The following RALGAPB variants were observed in gnomAD, a reference collection of about 807,000 sequenced individuals.
RALGAPB encodes Ral GTPase activating protein non-catalytic subunit beta, also known as ral GTPase-activating protein subunit beta.
RALGAPB carries 25 observed loss-of-function variants against 161.1 expected under a neutral mutation model. The ratio of observed to expected loss-of-function variants is 0.16; its 90% CI spans 0.11 to 0.22. RALGAPB has a LOEUF of 0.22. RALGAPB is among the 10% of genes least tolerant of loss of function. The pLI is 1.00. For missense variants in RALGAPB, 1,391 were observed against 1,815.2 expected (o/e 0.77, Z 4.25); for synonymous variants, 629 against 626.1 (o/e 1.00, Z -0.07).
intron 27 of RALGAPB, 117 bp downstream of exon 27, chr20:38,570,113 C>G (rs2088177405): frequency 3.9e-6 from 3 of 760,774 alleles, no homozygotes; most frequent in Admixed American, 4.7e-5. Context: ...TCCTGGAGTT[C>G]AGCAAGCCTT....
At chr20:38,524,645 C>T in intron 10 of RALGAPB, 133 bp from the exon 11 acceptor site, 2 of 680,990 alleles carry the variant, frequency 2.9e-6, no homozygotes, top group Non-Finnish European at 4.9e-6. Flanking sequence ...CCAGTAATTC[C>T]AATAATGTCC....
intron 23 of RALGAPB, among the ~76,000 whole-genome samples, 156 bp downstream of exon 23, chr20:38,558,609 G>C (rs2087678370): frequency 2.6e-5 from 4 of 152,166 alleles, no homozygotes; most frequent in Admixed American, 2.6e-4. Flanking sequence ...CAAGAACAAA[G>C]GAGAGGCTCA....
rs2086536808 is a variant in RALGAPB at position 38,528,350 on chromosome 20, TTTATTTATTTA to T, written c.2050+2311_2050+2321del. Among the ~76,000 whole-genome samples the T allele has an allele frequency of 7.8e-3, 33 of 4,248 alleles. No homozygotes were observed. The Admixed American group carries it at 0.16, about 20-fold the overall frequency. The allele number at this position is 4,248 out of a possible 152,430, so 2.8% of individuals were successfully genotyped here. ...GACCTTCACATTCATTTTATTTTTA[TTTATTTATTTA>T]TTTATTTATTTATTTATTTATTTAT... On this transcript the variant is annotated intron_variant, in intron 13 of 29. Transcript: ENST00000262879.
Position 38,521,647 on chromosome 20 carries a change from T to C in RALGAPB, c.1568T>C (p.Ile523Thr). ...GAGGCTTGTGGGACACTGTGTAGGA[T>C]TTTTTGTAGCAAGAAGACTGGAGAA... is the stretch of plus-strand genomic sequence containing the variant. ...RAEACGTLCR[I>T]FCSKKTGEEI... Residue 523 changes from isoleucine to threonine, a missense_variant, in exon 10 of 30, where the codon ATT becomes ACT. Around this residue, in one of 3 missense-constraint regions of RALGAPB, gnomAD observed 946 missense variants for 1,257.2 expected, o/e 0.75. Coordinates refer to ENST00000262879, the MANE Select transcript of RALGAPB (RefSeq NM_020336.4). 1.2e-6 allele frequency: 2 copies of C among 1,614,156 alleles called. No individual in the cohort carries two copies. Among genetic ancestry groups the C allele is most frequent in the Non-Finnish European group, 8.5e-7 (1 of 1,180,008 alleles).
rs2084696087 is a variant in RALGAPB at position 38,473,062 on chromosome 20, C to A, written c.-38C>A. On this transcript the variant is annotated 5_prime_UTR_variant, in exon 1 of 30. Transcript: ENST00000262879. The stretch of plus-strand genomic sequence containing the variant: ...CCCCGGCGATGCGGGCCCCGCCCGT[C>A]GCCTCAGGTAACCGGGCAGCCGGCC... 2.7e-6 allele frequency: 1 copy of A among 373,166 alleles called. No individual in the cohort carries two copies. The highest frequency in any genetic ancestry group is 1.3e-4 in the South Asian group (1 of 7,552). The allele number at this position is 373,166 out of a possible 1,614,324, so 23.1% of individuals were successfully genotyped here. A position where few individuals can be genotyped will look rare whatever the true frequency, so the allele number is the denominator to read the frequency against.
At chr20:38,567,705 TCTTAC>T (rs2088059955) in intron 26 of RALGAPB, among the ~76,000 whole-genome samples, 1 of 152,214 alleles carries the variant, frequency 6.6e-6, no homozygotes, top group Non-Finnish European at 1.5e-5. Context: ...TTATCTTTTT[TCTTAC>T]CTTATCAGCA....
chr20:38,496,307 A>G (rs1244134937), intron 3 of RALGAPB, among the ~76,000 whole-genome samples: 1 of 152,082 alleles, frequency 6.6e-6, no homozygotes, highest in African/African-American at 2.4e-5. Flanking sequence ...TCTCTCTTCT[A>G]AGGTTGGGTT....
rs1466769313 is a variant in RALGAPB, at chr20:38,521,599, A to G, written c.1520A>G (p.Asp507Gly). ...ATGTTTGATGCAAGTGAATTTCCTGATAACTATGAAGCAGGAAGAGCTGAG... is the reference window on the plus strand; with the variant it reads ...ATGTTTGATGCAAGTGAATTTCCTGGTAACTATGAAGCAGGAAGAGCTGAG... ...NPMFDASEFP[D>G]NYEAGRAEAC... The change falls in exon 10 of 30, where the codon GAT (aspartate) becomes GGT (glycine). Residue 507 changes from aspartate to glycine, a missense_variant. This residue lies in a region of RALGAPB where 946 missense variants were observed against 1,257.2 expected (regional missense o/e 0.75). Coordinates refer to ENST00000262879, the MANE Select transcript of RALGAPB (RefSeq NM_020336.4). 4.3e-6 allele frequency: 7 copies of G among 1,614,238 alleles called. No individual in the cohort carries two copies. The highest frequency in any genetic ancestry group is 5.9e-6 in the Non-Finnish European group (7 of 1,180,046).
Position 38,473,041 on chromosome 20 carries a change from G to A in RALGAPB, c.-59G>A. On this transcript the variant is annotated 5_prime_UTR_variant, in exon 1 of 30. Coordinates refer to ENST00000262879, the MANE Select transcript of RALGAPB (RefSeq NM_020336.4). ...GACGGCCGGCGGCGGCGCCCGCCCC[G>A]GCGATGCGGGCCCCGCCCGTCGCCT... is the stretch of plus-strand genomic sequence containing the variant. 2.6e-6 allele frequency: 1 copy of A among 383,254 alleles called. No homozygotes were observed. The highest frequency in any genetic ancestry group is 4.6e-6 in the Non-Finnish European group (1 of 215,950). 23.7% of individuals were successfully genotyped at this position (383,254 alleles called of 1,614,324 possible). A position where few individuals can be genotyped will look rare whatever the true frequency, so the allele number is the denominator to read the frequency against.
At chr20:38,565,849 A>G (rs1330796391) in intron 25 of RALGAPB, among the ~76,000 whole-genome samples, 1 of 152,224 alleles carries the variant, frequency 6.6e-6, no homozygotes. Context: ...GGAACCACCT[A>G]GAATCCTACA....
At chr20:38,568,290 G>A (rs1268542221) in intron 26 of RALGAPB, among the ~76,000 whole-genome samples, 1 of 151,928 alleles carries the variant, frequency 6.6e-6, no homozygotes, top group Non-Finnish European at 1.5e-5. Context: ...AAACCATATG[G>A]TTATCTCAAT....
At chr20:38,562,745 C>G in intron 24 of RALGAPB, 48 bp downstream of exon 24, 1 of 1,512,868 alleles carries the variant, frequency 6.6e-7, no homozygotes, top group Non-Finnish European at 8.9e-7. Flanking sequence ...GTTTGTTAGT[C>G]TTGTTTTTTT....
chr20:38,506,551 C>T (rs2085769314), intron 5 of RALGAPB, among the ~76,000 whole-genome samples: 1 of 152,198 alleles, frequency 6.6e-6, no homozygotes, highest in South Asian at 2.1e-4. Flanking sequence ...GCCTTGGCCT[C>T]CCAAAGTTCT....
chr20:38,541,828 T>G (rs1335678672), intron 18 of RALGAPB, among the ~76,000 whole-genome samples: 2 of 152,052 alleles, frequency 1.3e-5, no homozygotes, highest in Non-Finnish European at 2.9e-5. Context: ...GAAGTCAGAG[T>G]AACATTTCTT....
chr20:38,525,078 AGT>A, intron 11 of RALGAPB, 133 bp downstream of exon 11: 1 of 901,972 alleles, frequency 1.1e-6, no homozygotes, highest in Non-Finnish European at 1.7e-6. Context: ...ACATTAAATG[AGT>A]GTAGTGTGTC....
intron 1 of RALGAPB, among the ~76,000 whole-genome samples, chr20:38,482,153 G>T (rs1296928925): frequency 6.6e-6 from 1 of 152,010 alleles, no homozygotes; most frequent in Non-Finnish European, 1.5e-5. Flanking sequence ...TAAGAGAAAA[G>T]AAAATGTTAT....
At chr20:38,514,721 A>G (rs1244156852) in intron 6 of RALGAPB, among the ~76,000 whole-genome samples, 1 of 152,194 alleles carries the variant, frequency 6.6e-6, no homozygotes, top group Admixed American at 6.5e-5. Flanking sequence ...ACTGTTGTCA[A>G]ATGCTTGTCT....
At chr20:38,539,199 T>C (rs2086895221) in intron 16 of RALGAPB, among the ~76,000 whole-genome samples, 1 of 152,196 alleles carries the variant, frequency 6.6e-6, no homozygotes, top group Non-Finnish European at 1.5e-5. Context: ...AAATGCAAGC[T>C]AATCTATCGT....
At chr20:38,546,634 A>T (rs2087173827) in intron 19 of RALGAPB, 2 of 600,004 alleles carry the variant, frequency 3.3e-6, no homozygotes, top group Non-Finnish European at 5.7e-6. Context: ...AAGGCTCTTG[A>T]TGTGCATCTG....
Sources: gnomAD v4.1 joint callset for allele counts (sites outside exome capture counted in the v4.1 genomes callset) on GRCh38, gnomAD v4.1.1 for gene constraint, gnomAD v4.1.1 regional missense constraint, MANE v1.5 for transcripts, NCBI Gene and HGNC (gene_info 2026-07-23, HGNC 2026-07-21) for gene names.